Variants in CASP6 observed in about 807,000 individuals in gnomAD.
CASP6 encodes the protein caspase-6.
In CASP6, 20 loss-of-function variants were observed where a neutral mutation model predicts 31.8. The observed-to-expected ratio is 0.63, with a 90% CI of 0.44 to 0.91. The LOEUF is 0.91. Ranked by LOEUF, CASP6 falls within the 40% of genes least tolerant of loss-of-function variation. The probability of loss-of-function intolerance (pLI) is 0.00; values close to 1 mark genes in which losing one functional copy is unlikely to be tolerated. For synonymous variants in CASP6, 130 were observed against 127.8 expected (o/e 1.02, Z -0.12); for missense variants, 328 against 361.1 (o/e 0.91, Z 0.74).
chr4:109,678,250 T>C, the CASP6 span, among the ~76,000 whole-genome samples: 1 of 152,122 alleles, frequency 6.6e-6, no homozygotes, highest in Non-Finnish European at 1.5e-5. Flanking sequence ...CTGATCTCTC[T>C]TTCTTTTCCC....
the CASP6 span, among the ~76,000 whole-genome samples, chr4:109,680,184 A>G: frequency 6.6e-6 from 1 of 152,188 alleles, no homozygotes; most frequent in Non-Finnish European, 1.5e-5. Flanking sequence ...GTTCAAGGAC[A>G]TAACTCTGGC....
chr4:109,682,975 TG>T, the CASP6 span: 2 of 397,934 alleles, frequency 5.0e-6, no homozygotes, highest in African/African-American at 4.1e-5. Flanking sequence ...TCACGTGGCC[TG>T]TGTTCAGAGC....
chr4:109,687,572 G>T (rs959164897), downstream of CASP6: 4 of 1,608,464 alleles, frequency 2.5e-6, no homozygotes, highest in Non-Finnish European at 3.4e-6. Flanking sequence ...GCAAGTAGAA[G>T]AACTCAATGA....
At chr4:109,706,093 G>A (rs1476446495), upstream of CASP6, among the ~76,000 whole-genome samples, 2 of 100,468 alleles carry the variant, frequency 2.0e-5, no homozygotes, top group Non-Finnish European at 3.9e-5. Context: ...TGGCACACTG[G>A]GTGGTATTTT....
chr4:109,690,422 T>G (rs567649679), intron 6 of CASP6, among the ~76,000 whole-genome samples: 1 of 151,520 alleles, frequency 6.6e-6, no homozygotes, highest in South Asian at 2.1e-4. Context: ...ACAGGGGGGC[T>G]GAGGTGGGAG....
chr4:109,682,795 G>T, the CASP6 span: 159 of 1,389,040 alleles, frequency 1.1e-4, no homozygotes, highest in Non-Finnish European at 1.5e-4. Context: ...AGTGTTTATT[G>T]AGTGCTCCTC....
intron 1 of CASP6, among the ~76,000 whole-genome samples, chr4:109,699,348 C>G (rs1453548978): frequency 6.6e-6 from 1 of 152,178 alleles, no homozygotes; most frequent in Non-Finnish European, 1.5e-5. Context: ...TTCCCCTCTC[C>G]TTAGAGATCT....
chr4:109,699,363 A>G (rs1424920558), intron 1 of CASP6, among the ~76,000 whole-genome samples: 1 of 152,122 alleles, frequency 6.6e-6, no homozygotes, highest in African/African-American at 2.4e-5. Context: ...AGATCTCCCC[A>G]TTACTAGCCC....
At chr4:109,664,809 C>T in the CASP6 span, among the ~76,000 whole-genome samples, 1 of 151,930 alleles carries the variant, frequency 6.6e-6, no homozygotes, top group African/African-American at 2.4e-5. Flanking sequence ...CTTTTAGTCC[C>T]GTATACTCTT....
At chr4:109,702,173 C>A (rs1730440401) in intron 1 of CASP6, among the ~76,000 whole-genome samples, 1 of 152,168 alleles carries the variant, frequency 6.6e-6, no homozygotes, top group South Asian at 2.1e-4. Flanking sequence ...GCAACTGGAC[C>A]CTGCACTGTG....
At chr4:109,690,290 C>G in intron 6 of CASP6, among the ~76,000 whole-genome samples, 1 of 150,556 alleles carries the variant, frequency 6.6e-6, no homozygotes, top group Non-Finnish European at 1.5e-5. Flanking sequence ...ACTCCCAGCA[C>G]TTTGGGAGGC....
upstream of CASP6, among the ~76,000 whole-genome samples, chr4:109,706,129 TTTTATATATATATATATATA>T (rs1241937384): frequency 5.9e-4 from 33 of 56,084 alleles, 2 homozygotes; most frequent in South Asian, 0.019. Flanking sequence ...TACCTATCCA[TTTTATATATATATATATATA>T]TATATATATA....
the CASP6 span, among the ~76,000 whole-genome samples, chr4:109,667,275 T>C: frequency 1.3e-5 from 2 of 152,256 alleles, no homozygotes; most frequent in African/African-American, 4.8e-5. Context: ...GGTATAGGCT[T>C]ATGTAGATTG....
At chr4:109,693,793 CA>C (rs1730152453) in intron 5 of CASP6, among the ~76,000 whole-genome samples, 1 of 149,636 alleles carries the variant, frequency 6.7e-6, no homozygotes, top group African/African-American at 2.5e-5. Context: ...GGCTGGAGTG[CA>C]GTGGTATGCT....
the CASP6 span, among the ~76,000 whole-genome samples, chr4:109,681,712 G>C: frequency 6.6e-6 from 1 of 152,230 alleles, no homozygotes; most frequent in Non-Finnish European, 1.5e-5. Context: ...GATCTGGAGC[G>C]GCAAAGGGGT....
chr4:109,708,955 C>T, the CASP6 span, among the ~76,000 whole-genome samples: 24 of 152,172 alleles, frequency 1.6e-4, no homozygotes, highest in African/African-American at 4.8e-4. Flanking sequence ...GTTCTACTCA[C>T]GGCTTCCCCA....
At chr4:109,684,995 T>C, downstream of CASP6, 1 of 395,766 alleles carries the variant, frequency 2.5e-6, no homozygotes, top group Non-Finnish European at 4.5e-6. Context: ...ATCTCCCTTT[T>C]CTTATTTCTT....
upstream of CASP6, among the ~76,000 whole-genome samples, chr4:109,706,008 A>AT (rs1416256720): frequency 7.3e-5 from 5 of 68,708 alleles, no homozygotes; most frequent in African/African-American, 4.3e-4. Context: ...AAAAATATAT[A>AT]TATATATATA....
chr4:109,681,539 C>T, the CASP6 span: 3 of 427,988 alleles, frequency 7.0e-6, no homozygotes, highest in Admixed American at 5.3e-5. Flanking sequence ...TTCTTGGCCT[C>T]ACGGATTCTA....
Sources: gnomAD v4.1 joint callset for allele counts (sites outside exome capture counted in the v4.1 genomes callset) on GRCh38, gnomAD v4.1.1 for gene constraint, MANE v1.5 for transcripts, NCBI Gene and HGNC (gene_info 2026-07-23, HGNC 2026-07-21) for gene names.